KLHL24: variants seen among roughly 807,000 people sequenced by gnomAD.
KLHL24 encodes kelch-like protein 24.
In KLHL24, 29 loss-of-function variants were observed where a neutral mutation model predicts 53.4. The ratio of observed to expected loss-of-function variants is 0.54; its 90% CI spans 0.40 to 0.74. The LOEUF is 0.74. Ranked by LOEUF, KLHL24 falls within the 30% of genes least tolerant of loss-of-function variation. The pLI is 0.00. For synonymous variants in KLHL24, 222 were observed against 253.7 expected (o/e 0.88, Z 1.19); for missense variants, 504 against 744.0 (o/e 0.68, Z 3.75).
chr3:183,668,462 T>C (rs143267157), intron 5 of KLHL24, among the ~76,000 whole-genome samples: 463 of 152,282 alleles, frequency 3.0e-3, no homozygotes, highest in African/African-American at 0.011. Context: ...TTGCTAAAAT[T>C]ACAATATAGA....
At chr3:183,646,942 T>TGAGTA (rs1336886620) in intron 2 of KLHL24, among the ~76,000 whole-genome samples, 1 of 150,712 alleles carries the variant, frequency 6.6e-6, no homozygotes, top group Non-Finnish European at 1.5e-5. Flanking sequence ...CCCAAGTAGC[T>TGAGTA]GGGACTACAG....
At chr3:183,666,910 A>G (rs1288880731) in intron 5 of KLHL24, among the ~76,000 whole-genome samples, 1 of 152,062 alleles carries the variant, frequency 6.6e-6, no homozygotes, top group Non-Finnish European at 1.5e-5. Flanking sequence ...TGAACAACTA[A>G]AAGCAGCACA....
intron 1 of KLHL24, among the ~76,000 whole-genome samples, chr3:183,641,975 A>G (rs1716516675): frequency 6.6e-6 from 1 of 152,192 alleles, no homozygotes; most frequent in African/African-American, 2.4e-5. Context: ...TTTCTACCCC[A>G]TAAGGTATAA....
intron 3 of KLHL24, among the ~76,000 whole-genome samples, chr3:183,653,685 C>A (rs1718453721): frequency 6.6e-6 from 1 of 152,116 alleles, no homozygotes; most frequent in Non-Finnish European, 1.5e-5. Context: ...GAGAGCAGAA[C>A]AAAGAATGAT....
At chr3:183,675,144 A>AAT (rs963679790) in intron 7 of KLHL24, among the ~76,000 whole-genome samples, 2 of 152,026 alleles carry the variant, frequency 1.3e-5, no homozygotes, top group African/African-American at 4.8e-5. Context: ...CTGCATAGTA[A>AAT]ATATATATAT....
chr3:183,665,835 AT>A (rs1720471878), intron 5 of KLHL24, among the ~76,000 whole-genome samples: 1 of 151,748 alleles, frequency 6.6e-6, no homozygotes, highest in Non-Finnish European at 1.5e-5. Context: ...TAAACAATAC[AT>A]TATTTGGGTT....
chr3:183,659,963 G>A (rs1719479705), intron 3 of KLHL24, among the ~76,000 whole-genome samples: 1 of 151,950 alleles, frequency 6.6e-6, no homozygotes, highest in Non-Finnish European at 1.5e-5. Flanking sequence ...AGGTGGTGGT[G>A]GTGTTTTTTT....
intron 7 of KLHL24, among the ~76,000 whole-genome samples, chr3:183,675,844 A>G (rs1014074587): frequency 1.3e-5 from 2 of 152,148 alleles, no homozygotes; most frequent in African/African-American, 4.8e-5. Flanking sequence ...ATTGTATAAA[A>G]CGATAACAGT....
At position 183,681,760 on chromosome 3, in the gene KLHL24, AAG is replaced by A. The variant is rs2108913840; in HGVS notation, c.*2476_*2477del. 6.6e-6 allele frequency: 1 copy of A among 152,610 alleles called. No individual in the cohort carries two copies. Among genetic ancestry groups the A allele is most frequent in the South Asian group, 2.1e-4 (1 of 4,822 alleles). 9.5% of individuals were successfully genotyped at this position (152,610 alleles called of 1,614,324 possible). A position where few individuals can be genotyped will look rare whatever the true frequency, so the allele number is the denominator to read the frequency against. ...TAGCATTAGACTTGATAAAATAAAA[AAG>A]AATTTTAGAGTAGAATTAATATATC... On this transcript the variant is annotated 3_prime_UTR_variant, in exon 8 of 8. Transcript: ENST00000242810.
Position 183,650,242 on chromosome 3 carries a change from A to T in KLHL24, c.-61-54A>T. 1.4e-6 allele frequency: 1 copy of T among 719,958 alleles called. No individual in the cohort carries two copies. The highest frequency in any genetic ancestry group is 2.0e-5 in the South Asian group (1 of 50,160). 44.6% of individuals were successfully genotyped at this position (719,958 alleles called of 1,614,324 possible). ...GTTTATATTAAAATGAAATTATGTGATTTGAATACTGAATTTTTTGCATAT... is the reference window on the plus strand; with the variant it reads ...GTTTATATTAAAATGAAATTATGTGTTTTGAATACTGAATTTTTTGCATAT... On this transcript the variant is annotated intron_variant, in intron 2 of 7. Transcript: ENST00000242810. This position sits in a 1 kb window ranked among gnomAD's most constrained non-coding sequence, Gnocchi z 4.5.
chr3:183,659,758 A>AC (rs1719441879), intron 3 of KLHL24, among the ~76,000 whole-genome samples: 1 of 131,988 alleles, frequency 7.6e-6, no homozygotes, highest in African/African-American at 3.2e-5. Context: ...GGGTTGACAT[A>AC]TTACAAGTTC....
chr3:183,639,458 G>A (rs1245554348), intron 1 of KLHL24, among the ~76,000 whole-genome samples: 1 of 150,516 alleles, frequency 6.6e-6, no homozygotes, highest in Non-Finnish European at 1.5e-5. Flanking sequence ...GAGAAACCCC[G>A]TCTCTACTAA....
chr3:183,670,541 C>T (rs531505830), intron 5 of KLHL24, among the ~76,000 whole-genome samples: 1 of 152,226 alleles, frequency 6.6e-6, no homozygotes, highest in South Asian at 2.1e-4. Flanking sequence ...AAGGCCTGAC[C>T]AGCACTCTCA....
intron 3 of KLHL24, among the ~76,000 whole-genome samples, chr3:183,661,216 T>C (rs1322843072): frequency 2.0e-5 from 3 of 151,400 alleles, no homozygotes; most frequent in South Asian, 2.1e-4. Context: ...GCCTTGGCAA[T>C]AGAGTAAGAC....
At chr3:183,638,083 G>A (rs1260683699) in intron 1 of KLHL24, among the ~76,000 whole-genome samples, 2 of 152,214 alleles carry the variant, frequency 1.3e-5, no homozygotes, top group Non-Finnish European at 2.9e-5. Flanking sequence ...ACCGGAATGA[G>A]CATCTCCTGT....
At chr3:183,661,135 G>T (rs114830639) in intron 3 of KLHL24, among the ~76,000 whole-genome samples, 1,327 of 120,898 alleles carry the variant, frequency 0.011, 27 homozygotes, top group East Asian at 0.095. Flanking sequence ...TACCTGGGAG[G>T]CTGAGGTGAG....
chr3:183,660,082 A>G (rs1277522508), intron 3 of KLHL24, among the ~76,000 whole-genome samples: 2 of 152,100 alleles, frequency 1.3e-5, no homozygotes, highest in Non-Finnish European at 2.9e-5. Flanking sequence ...CAAATTAGCA[A>G]ATTTTCAGCT....
chr3:183,656,458 A>G (rs562772280), intron 3 of KLHL24, among the ~76,000 whole-genome samples: 256 of 152,344 alleles, frequency 1.7e-3, no homozygotes, highest in African/African-American at 6.0e-3. Context: ...CATTTGAGGT[A>G]GAAAAAGTTC....
chr3:183,681,950 C>A lies in KLHL24; in HGVS notation c.*2664C>A, dbSNP rs1395303143. The A allele has an allele frequency of 6.6e-6, 1 of 152,218 alleles. No individual in the cohort carries two copies. The highest frequency in any genetic ancestry group is 1.5e-5 in the Non-Finnish European group (1 of 67,914). The allele number at this position is 152,218 out of a possible 1,614,324, so 9.4% of individuals were successfully genotyped here. ...GTATGGTTGTATACACACATATATA[C>A]CAAACACCATGAATTTTAGCAGTCT... On this transcript the variant is annotated 3_prime_UTR_variant, in exon 8 of 8. Transcript: ENST00000242810.
Sources: allele counts gnomAD v4.1 joint callset (sites outside exome capture counted in the v4.1 genomes callset), GRCh38; gene constraint gnomAD v4.1.1; non-coding constraint Gnocchi (gnomAD v3.1); transcripts MANE v1.5; gene names NCBI Gene and HGNC (gene_info 2026-07-23, HGNC 2026-07-21).